Variants in NCAPD2 observed in about 807,000 individuals in gnomAD.
NCAPD2 encodes non-SMC condensin I complex subunit D2.
A neutral mutation model predicts 164.5 loss-of-function variants in NCAPD2; 100 were observed. That is an observed-to-expected ratio of 0.61 (90% CI 0.52 to 0.72). The LOEUF is 0.72. Ranked by LOEUF, NCAPD2 falls within the 30% of genes least tolerant of loss-of-function variation. The pLI is 0.00. For synonymous variants in NCAPD2, 585 were observed against 642.6 expected, an observed-to-expected ratio of 0.91 and a Z score of 1.36; for missense variants, 1,560 against 1,749.2, an observed-to-expected ratio of 0.89 and a Z score of 1.93.
chr12:6,531,359 C>T lies in NCAPD2; in HGVS notation c.4153C>T (p.Pro1385Ser). 1 of 1,613,856 alleles carries T rather than the reference C, an allele frequency of 6.2e-7. No individual in the cohort carries two copies. Among genetic ancestry groups the T allele is most frequent in the Non-Finnish European group, 8.5e-7 (1 of 1,180,014 alleles). Residue 1385 changes from proline (P) to serine (S), a missense_variant, in exon 32 of 32, where the codon CCC becomes TCC. Pro to Ser is a moderately conservative substitution (Grantham distance 74). Transcript: ENST00000315579. The surrounding 1 kb of genome is among the most constrained non-coding windows in gnomAD (Gnocchi z 4.1). ...AGCAGAGATGACAGAAGACGAGACA[C>T]CCAAGAAAACAACTCCCATTCTCAG... ...LSAEMTEDET[P>S]KKTTPILRAS...
chr12:6,526,911 C>T lies in NCAPD2; in HGVS notation c.2755C>T (p.Pro919Ser). 6.2e-7 allele frequency: 1 copy of T among 1,613,310 alleles called. No homozygotes were observed. The change falls in exon 22 of 32, where the codon CCC (proline) becomes TCC (serine). Residue 919 changes from proline to serine, a missense_variant. Physicochemically the swap from Pro to Ser is moderately conservative, Grantham distance 74 (BLOSUM62 -1). Transcript: ENST00000315579. Reference sequence around the variant, plus strand: ...TCCAGAGGAGTCCCCCGCAATGCTCCCCACTTTCCTGTTGATGAACCTGCT... The same window carrying T: ...TCCAGAGGAGTCCCCCGCAATGCTCTCCACTTTCCTGTTGATGAACCTGCT... ...EDPKESPAML[P>S]TFLLMNLLSL...
At chr12:6,510,475 G>A in intron 4 of NCAPD2, 154 bp from the exon 5 acceptor site, 1 of 907,470 alleles carries the variant, frequency 1.1e-6, no homozygotes, top group Non-Finnish European at 1.8e-6. Context: ...GGGTATCAGG[G>A]CCAAGGGTCC....
rs117950795 is a variant in NCAPD2, at chr12:6,516,231, C to T, written c.988-597C>T. On this transcript the variant is annotated intron_variant, in intron 9 of 31. Transcript: ENST00000315579. ...CCAAAAAAAACCACACAGACGGGCG[C>T]GGTGGCTCACGCCTATAATCTCAGC... 6.3e-3 allele frequency among the ~76,000 whole-genome samples: 925 copies of T among 147,044 alleles called. 6 individuals carry two copies. The highest frequency in any genetic ancestry group is 0.01 in the Non-Finnish European group (696 of 66,814).
intron 20 of NCAPD2, 27 bp from the exon 21 acceptor site, chr12:6,526,421 A>T: frequency 6.2e-7 from 1 of 1,614,146 alleles, no homozygotes; most frequent in Non-Finnish European, 8.5e-7. Flanking sequence ...TTGTTGCAGT[A>T]AACAACTTCT....
At chr12:6,517,159 C>A in intron 10 of NCAPD2, 134 bp downstream of exon 10, 1 of 1,262,654 alleles carries the variant, frequency 7.9e-7, no homozygotes, top group Admixed American at 2.1e-5. Context: ...TAGTAAAAGT[C>A]TTCCTCTACC....
rs1163848778 is a variant in NCAPD2 at position 6,521,044 on chromosome 12, A to G, written c.1648A>G (p.Ser550Gly). 1 of 1,614,200 alleles carries G rather than the reference A, an allele frequency of 6.2e-7. No homozygotes were observed. Among genetic ancestry groups the G allele is most frequent in the Non-Finnish European group, 8.5e-7 (1 of 1,180,012 alleles). The change falls in exon 14 of 32, where the codon AGT becomes GGT. Residue 550 changes from serine to glycine, a missense_variant. Ser to Gly is a moderately conservative substitution (Grantham distance 56). Coordinates refer to ENST00000315579, the MANE Select transcript of NCAPD2 (RefSeq NM_014865.4). ...TGHFQESEPF[S>G]HIDPEESEET... ...CCACTTCCAGGAGTCCGAACCCTTCAGTCATATAGACCCAGAGGAGTCAGA... is the reference window on the plus strand; with the variant it reads ...CCACTTCCAGGAGTCCGAACCCTTCGGTCATATAGACCCAGAGGAGTCAGA...
At chr12:6,525,414 G>A (rs934263988) in intron 17 of NCAPD2, among the ~76,000 whole-genome samples, 169 bp from the exon 18 acceptor site, 1 of 152,140 alleles carries the variant, frequency 6.6e-6, no homozygotes, top group Non-Finnish European at 1.5e-5. Context: ...AGTAGAGAAT[G>A]GAAAGCCTCT....
Position 6,506,390 on chromosome 12 carries a change from C to T in NCAPD2, c.128-3327C>T, listed in dbSNP as rs1186612261. On this transcript the variant is annotated intron_variant, in intron 2 of 31. Transcript: ENST00000315579. ...GATCACGAGGTCAGGAGATCGAGAC[C>T]ATCCTGGCTAACACCGTGAAACCCC... is the stretch of plus-strand genomic sequence containing the variant. Among the ~76,000 whole-genome samples, 3 of 151,918 alleles carry T rather than the reference C, an allele frequency of 2.0e-5. No homozygotes were observed. In the East Asian group the frequency reaches 5.8e-4, roughly 29 times the overall value.
chr12:6,503,732 C>T (rs1247585574), intron 2 of NCAPD2, among the ~76,000 whole-genome samples: 1 of 150,796 alleles, frequency 6.6e-6, no homozygotes, highest in Non-Finnish European at 1.5e-5. Context: ...GATCGTGCCA[C>T]TGCACTTCAG....
At position 6,527,865 on chromosome 12, in the gene NCAPD2, T is replaced by C; in HGVS notation, c.2996T>C (p.Ile999Thr). 1 of 1,613,718 alleles carries C rather than the reference T, an allele frequency of 6.2e-7. No individual in the cohort carries two copies. Among genetic ancestry groups the C allele is most frequent in the Non-Finnish European group, 8.5e-7 (1 of 1,179,594 alleles). ...DDTEAELIRG[I>T]CEMELLDGKQ... The stretch of plus-strand genomic sequence containing the variant: ...ACAGAGGCAGAACTAATCCGTGGCA[T>C]CTGCGAGATGGAACTGTTGGATGGT... Residue 999 changes from isoleucine to threonine, a missense_variant, in exon 23 of 32, where the codon ATC becomes ACC. By Grantham distance (89) the Ile-to-Thr change is moderately conservative. Coordinates refer to ENST00000315579, the MANE Select transcript of NCAPD2 (RefSeq NM_014865.4).
At position 6,528,142 on chromosome 12, in the gene NCAPD2, G is replaced by A. The variant is rs753705404; in HGVS notation, c.3144-31G>A. ...TCTCAAGGAAGATGGGGATGAAATG[G>A]CTTCCCTAATGATCCTCTTCTTGCT... On this transcript the variant is annotated intron_variant, in intron 24 of 31. Transcript: ENST00000315579. The surrounding 1 kb of genome is among the most constrained non-coding windows in gnomAD (Gnocchi z 5.1). 6.2e-7 allele frequency: 1 copy of A among 1,614,186 alleles called. No individual in the cohort carries two copies. Among genetic ancestry groups the A allele is most frequent in the Admixed American group, 1.7e-5 (1 of 60,016 alleles).
chr12:6,527,602 C>T (rs541397441), intron 22 of NCAPD2, among the ~76,000 whole-genome samples, 175 bp from the exon 23 acceptor site: 1 of 152,340 alleles, frequency 6.6e-6, no homozygotes, highest in East Asian at 1.9e-4. Context: ...ATGGGGACCT[C>T]ATTGTTCCCC....
At chr12:6,512,044 G>T (rs1012813351) in intron 6 of NCAPD2, among the ~76,000 whole-genome samples, 1 of 151,958 alleles carries the variant, frequency 6.6e-6, no homozygotes, top group Non-Finnish European at 1.5e-5. Flanking sequence ...CACTTTGGGA[G>T]GCTGAGGCAG....
chr12:6,524,794 T>C (rs1946300996), intron 17 of NCAPD2, among the ~76,000 whole-genome samples: 1 of 152,196 alleles, frequency 6.6e-6, no homozygotes, highest in Non-Finnish European at 1.5e-5. Context: ...AGTGAGACAT[T>C]CTGCTTTGTA....
intron 10 of NCAPD2, 94 bp from the exon 11 acceptor site, chr12:6,517,271 T>G: frequency 1.3e-6 from 2 of 1,523,814 alleles, no homozygotes; most frequent in South Asian, 2.5e-5. Flanking sequence ...TTAGAGTGAG[T>G]GGGTAGCTCA....
intron 13 of NCAPD2, 199 bp downstream of exon 13, chr12:6,518,158 A>T (rs2137052506): frequency 1.0e-5 from 5 of 480,514 alleles, no homozygotes; most frequent in Admixed American, 3.8e-5. Flanking sequence ...ATAAATGTTT[A>T]AAAAAACTAC....
In NCAPD2 at chr12:6,531,090, G is replaced by A. The variant is rs200536348; in HGVS notation, c.4120+14G>A. 13 of 1,612,366 alleles carry A rather than the reference G, an allele frequency of 8.1e-6. No individual in the cohort carries two copies. Among genetic ancestry groups the A allele is most frequent in the Middle Eastern group, 4.1e-4 (2 of 4,898 alleles). ...CCAGTGAGGAAGGTATGATGCTCCC[G>A]CCTGTTCCCGGCCGAGAAGGCACAC... is the stretch of plus-strand genomic sequence containing the variant. On this transcript the variant is annotated intron_variant, in intron 31 of 31. Transcript: ENST00000315579. The surrounding 1 kb of genome is among the most constrained non-coding windows in gnomAD (Gnocchi z 4.1).
rs1193474325 is a variant in NCAPD2, at chr12:6,529,791, C to G, written c.3670C>G (p.Arg1224Gly). Reference protein sequence around the residue: ...FRTSRTERQQRDLAYCVSQLP... With the variant: ...FRTSRTERQQGDLAYCVSQLP... ...TATCTGCAGAACTGAGCGGCAGCAG[C>G]GAGACCTGGCCTACTGTGTGTCACA... Residue 1224 changes from arginine (R) to glycine (G), a missense_variant, in exon 29 of 32, where the codon CGA becomes GGA. Physicochemically the swap from Arg to Gly is moderately radical, Grantham distance 125 (BLOSUM62 -2). Coordinates refer to ENST00000315579, the MANE Select transcript of NCAPD2 (RefSeq NM_014865.4). The G allele has an allele frequency of 6.2e-7, 1 of 1,613,158 alleles. No individual in the cohort carries two copies. The highest frequency in any genetic ancestry group is 8.5e-7 in the Non-Finnish European group (1 of 1,179,392).
intron 17 of NCAPD2, 58 bp downstream of exon 17, chr12:6,523,404 T>TTTTTC (rs1946286471): frequency 7.0e-7 from 1 of 1,427,860 alleles, no homozygotes; most frequent in East Asian, 2.3e-5. Flanking sequence ...GGTTGTTTTT[T>TTTTTC]TTTTTTTTTT....
Sources: gnomAD v4.1 joint callset for allele counts (sites outside exome capture counted in the v4.1 genomes callset) on GRCh38, gnomAD v4.1.1 for gene constraint, Gnocchi (gnomAD v3.1) non-coding constraint, MANE v1.5 for transcripts, NCBI Gene and HGNC (gene_info 2026-07-23, HGNC 2026-07-21) for gene names.